The following NFIB variants were observed in gnomAD, a reference collection of about 807,000 sequenced individuals.
NFIB encodes the protein nuclear factor I B, also known as nuclear factor 1 B-type.
Under a neutral mutation model 61.5 loss-of-function variants are expected in NFIB, and 11 were observed. That is an observed-to-expected ratio of 0.18 (90% CI 0.11 to 0.30). The LOEUF is 0.30. Ranked by LOEUF, NFIB falls within the 10% of genes least tolerant of loss-of-function variation. The pLI, the probability that NFIB is intolerant of heterozygous loss-of-function variation, is 1.00. For missense variants in NFIB, 471 were observed against 608.9 expected (o/e 0.77, Z 2.38); for synonymous variants, 260 against 216.5 (o/e 1.20, Z -1.76).
At chr9:14,531,612 C>A in the NFIB span, among the ~76,000 whole-genome samples, 4 of 151,992 alleles carry the variant, frequency 2.6e-5, no homozygotes, top group African/African-American at 9.7e-5. Context: ...GGCTCCAATC[C>A]CCTACTGACT....
At chr9:14,294,071 C>T (rs139231124) in intron 2 of NFIB, among the ~76,000 whole-genome samples, 21 of 152,216 alleles carry the variant, frequency 1.4e-4, no homozygotes, top group African/African-American at 3.1e-4. Flanking sequence ...ATGTTGGACA[C>T]GAAAAGCAGA....
At position 14,322,128 on chromosome 9, in the gene NFIB, T is replaced by A. The variant is rs143638816; in HGVS notation, c.109-14608A>T. On this transcript the variant is annotated intron_variant, in intron 1 of 8. Coordinates refer to the NFIB transcript ENST00000380934. ...GCAATCCGGGAGTAGTCTTATGTAT[T>A]TTTTAATTGTAATTTCTGCACTGCC... is the stretch of plus-strand genomic sequence containing the variant. The A allele has an allele frequency of 1.8e-4, 218 of 1,225,002 alleles. No homozygotes were observed. The East Asian group carries it at 6.8e-3, about 38-fold the overall frequency. 75.9% of individuals were successfully genotyped at this position (1,225,002 alleles called of 1,614,324 possible).
intron 6 of NFIB, among the ~76,000 whole-genome samples, chr9:14,140,677 C>T (rs1464348319): frequency 6.6e-6 from 1 of 152,148 alleles, no homozygotes; most frequent in Non-Finnish European, 1.5e-5. Context: ...CTCACACCTG[C>T]AATCCCATCA....
chr9:14,134,086 T>G (rs561915079), intron 6 of NFIB, among the ~76,000 whole-genome samples: 41 of 152,220 alleles, frequency 2.7e-4, no homozygotes, highest in African/African-American at 8.9e-4. Flanking sequence ...TAAATAAAAT[T>G]CAAATGATAA....
chr9:14,376,115 C>T (rs2061416051), intron 1 of NFIB, among the ~76,000 whole-genome samples: 1 of 152,110 alleles, frequency 6.6e-6, no homozygotes, highest in Non-Finnish European at 1.5e-5. Context: ...AGTGGCTATG[C>T]ACAGGCATGA....
At chr9:14,430,264 C>T in the NFIB span, among the ~76,000 whole-genome samples, 1 of 152,012 alleles carries the variant, frequency 6.6e-6, no homozygotes, top group Non-Finnish European at 1.5e-5. Flanking sequence ...TCTAGTAGAT[C>T]ACTGACTGCT....
At chr9:14,456,001 T>C in the NFIB span, among the ~76,000 whole-genome samples, 1 of 152,182 alleles carries the variant, frequency 6.6e-6, no homozygotes, top group African/African-American at 2.4e-5. Context: ...AAAAGATGGA[T>C]AATTCATTTG....
intron 2 of NFIB, among the ~76,000 whole-genome samples, chr9:14,231,135 A>AAATATATATATATATATATATAT (rs55959148): frequency 2.8e-5 from 1 of 35,344 alleles, no homozygotes; most frequent in African/African-American, 1.0e-4. Flanking sequence ...AAAAAAAAAA[A>AAATATATATATATATATATATAT]ATATATATAT....
chr9:14,205,665 T>C (rs892966354), intron 2 of NFIB, among the ~76,000 whole-genome samples: 2 of 152,154 alleles, frequency 1.3e-5, no homozygotes. Context: ...AAGCTTCAAC[T>C]GAATCCAACA....
At chr9:14,502,239 G>A in the NFIB span, among the ~76,000 whole-genome samples, 1 of 152,204 alleles carries the variant, frequency 6.6e-6, no homozygotes, top group South Asian at 2.1e-4. Flanking sequence ...GCAAAGGTAT[G>A]TAAATCACTA....
chr9:14,278,023 T>C (rs1257949253), intron 2 of NFIB, among the ~76,000 whole-genome samples: 1 of 152,212 alleles, frequency 6.6e-6, no homozygotes, highest in Non-Finnish European at 1.5e-5. Context: ...TGCCTCATGC[T>C]GTAGTCACTC....
chr9:14,460,796 T>C, the NFIB span, among the ~76,000 whole-genome samples: 4 of 152,238 alleles, frequency 2.6e-5, no homozygotes, highest in Admixed American at 6.5e-5. Flanking sequence ...CTCATTGCCC[T>C]AAGGATAATG....
intron 4 of NFIB, among the ~76,000 whole-genome samples, chr9:14,155,558 C>T (rs2043299246): frequency 6.6e-6 from 1 of 152,088 alleles, no homozygotes. Flanking sequence ...TATGGTCATG[C>T]AGAGAACAGT....
At chr9:14,498,737 C>T in the NFIB span, among the ~76,000 whole-genome samples, 1 of 147,006 alleles carries the variant, frequency 6.8e-6, no homozygotes, top group Non-Finnish European at 1.5e-5. Context: ...GAACTGTCTG[C>T]AGCCATGCAC....
At position 14,175,163 on chromosome 9, in the gene NFIB, ATTTCTTTTTT is replaced by A. The variant is rs1477165120; in HGVS notation, c.616+4554_616+4563del. On this transcript the variant is annotated intron_variant, in intron 3 of 10. Coordinates refer to ENST00000380953, the MANE Select transcript of NFIB (RefSeq NM_001190737.2). ...TCTCAAAATTTTTATGACTTAAAGA[ATTTCTTTTTT>A]TTTTTTTTTTTTTTGAGATGGAGTC... is the stretch of plus-strand genomic sequence containing the variant. Among the ~76,000 whole-genome samples the A allele has an allele frequency of 8.8e-5, 9 of 102,162 alleles. 2 individuals are homozygous for A. In the East Asian group the frequency reaches 2.5e-3, roughly 28 times the overall value. 67.0% of individuals were successfully genotyped at this position (102,162 alleles called of 152,430 possible). A position where few individuals can be genotyped will look rare whatever the true frequency, so the allele number is the denominator to read the frequency against.
intron 3 of NFIB, among the ~76,000 whole-genome samples, chr9:14,156,184 G>A (rs2043376905): frequency 6.6e-6 from 1 of 152,192 alleles, no homozygotes. Context: ...AGAATGGTCT[G>A]TGGGCTCTCA....
intron 2 of NFIB, among the ~76,000 whole-genome samples, chr9:14,282,612 T>C (rs2058446069): frequency 6.6e-6 from 1 of 152,224 alleles, no homozygotes; most frequent in African/African-American, 2.4e-5. Context: ...TGCGTATTTC[T>C]TCAAAGTGTA....
At chr9:14,181,441 C>A (rs1049679572) in intron 2 of NFIB, among the ~76,000 whole-genome samples, 1 of 152,150 alleles carries the variant, frequency 6.6e-6, no homozygotes, top group Non-Finnish European at 1.5e-5. Context: ...CTCTCATCTC[C>A]CATGAAGTCC....
In NFIB at chr9:14,388,482, AGAAAG is replaced by A. The variant is rs1425122492; in HGVS notation, c.108+10037_108+10041del. On this transcript the variant is annotated intron_variant, in intron 1 of 8. Transcript: ENST00000380934. ...GAGAAAGAAAAAGAGAGAGAGAGAG[AGAAAG>A]AGAGAGAGAGAGAAAGTAAGGAGGG... is the stretch of plus-strand genomic sequence containing the variant. Among the ~76,000 whole-genome samples, 617 of 151,018 alleles carry A rather than the reference AGAAAG, an allele frequency of 4.1e-3. 5 individuals are homozygous for A. Among genetic ancestry groups the A allele is most frequent in the African/African-American group, 0.014 (589 of 41,076 alleles).
Sources: gnomAD v4.1 joint callset for allele counts (sites outside exome capture counted in the v4.1 genomes callset) on GRCh38, gnomAD v4.1.1 for gene constraint, MANE v1.5 for transcripts, NCBI Gene and HGNC (gene_info 2026-07-23, HGNC 2026-07-21) for gene names.